The following ADGRV1 variants were observed in gnomAD, a reference collection of about 807,000 sequenced individuals.
ADGRV1 encodes the protein G-protein coupled receptor 98.
In ADGRV1, 359 loss-of-function variants were observed where a neutral mutation model predicts 596.2. The observed-to-expected ratio is 0.60, with a 90% CI of 0.55 to 0.66. ADGRV1 has a LOEUF of 0.66. Among genes scored for constraint, ADGRV1 ranks in the 30% least tolerant of loss-of-function variants. The pLI is 0.00. For synonymous variants in ADGRV1, 2,681 were observed against 2,679.2 expected (o/e 1.00, Z -0.02); for missense variants, 7,274 against 7,575.6 (o/e 0.96, Z 1.48).
intron 16 of ADGRV1, 25 bp downstream of exon 16, chr5:90,646,116 G>T (rs1767719044): frequency 6.6e-7 from 1 of 1,513,614 alleles, no homozygotes; most frequent in Non-Finnish European, 8.9e-7. Context: ...TTATTTGAAT[G>T]AGTTTACATA....
At chr5:91,102,983 A>G (rs908216631) in intron 87 of ADGRV1, among the ~76,000 whole-genome samples, 13 of 152,222 alleles carry the variant, frequency 8.5e-5, no homozygotes, top group African/African-American at 3.1e-4. Context: ...TTGTTTTCCA[A>G]AGTGAAACGA....
intron 70 of ADGRV1, among the ~76,000 whole-genome samples, chr5:90,793,564 T>G (rs1313103785): frequency 6.6e-6 from 1 of 152,248 alleles, no homozygotes; most frequent in African/African-American, 2.4e-5. Flanking sequence ...TTACATGGAC[T>G]AACACCCTTG....
intron 83 of ADGRV1, among the ~76,000 whole-genome samples, chr5:90,910,514 C>T (rs1264184152): frequency 6.6e-6 from 1 of 151,794 alleles, no homozygotes; most frequent in Non-Finnish European, 1.5e-5. Flanking sequence ...TTTTAATGGA[C>T]ACTTTTAGTG....
At chr5:90,572,673 A>T (rs527662468) in intron 1 of ADGRV1, among the ~76,000 whole-genome samples, 12 of 152,292 alleles carry the variant, frequency 7.9e-5, no homozygotes, top group African/African-American at 2.9e-4. Context: ...AATTAACAAT[A>T]TCTAACAAAT....
intron 83 of ADGRV1, among the ~76,000 whole-genome samples, chr5:90,877,229 A>G (rs1769300635): frequency 6.6e-6 from 1 of 152,200 alleles, no homozygotes; most frequent in South Asian, 2.1e-4. Context: ...TAGTGACGCA[A>G]AAAGGATTGC....
intron 85 of ADGRV1, among the ~76,000 whole-genome samples, chr5:91,052,086 T>G (rs1786388425): frequency 6.6e-6 from 1 of 152,182 alleles, no homozygotes; most frequent in Non-Finnish European, 1.5e-5. Flanking sequence ...TTTTTCTTTT[T>G]TAAAATTAAT....
At chr5:90,668,497 T>C (rs1278783774) in intron 21 of ADGRV1, among the ~76,000 whole-genome samples, 4 of 152,260 alleles carry the variant, frequency 2.6e-5, no homozygotes, top group East Asian at 1.9e-4. Flanking sequence ...CCCACTGACC[T>C]GCGCCCACTG....
chr5:90,919,157 G>A (rs999805234), intron 83 of ADGRV1, among the ~76,000 whole-genome samples: 2 of 151,916 alleles, frequency 1.3e-5, no homozygotes, highest in African/African-American at 4.8e-5. Context: ...CTTCCTTCCT[G>A]TCACCCAGAT....
At chr5:91,068,546 A>C (rs1360666047) in intron 85 of ADGRV1, among the ~76,000 whole-genome samples, 4 of 147,286 alleles carry the variant, frequency 2.7e-5, no homozygotes, top group Non-Finnish European at 6.0e-5. Flanking sequence ...AGGCACTCAC[A>C]AAAAAAAAAT....
intron 85 of ADGRV1, among the ~76,000 whole-genome samples, chr5:91,054,102 T>TGAGAGAGAGA (rs3079380): frequency 5.5e-5 from 7 of 126,670 alleles, no homozygotes; most frequent in African/African-American, 9.5e-5. Context: ...TGTGTGTGTG[T>TGAGAGAGAGA]GAGAGAGAGA....
rs573827079 is a variant in ADGRV1, at chr5:90,927,834, T to C, written c.17857-37581T>C. Among the ~76,000 whole-genome samples, 946 of 152,308 alleles carry C rather than the reference T, an allele frequency of 6.2e-3. 5 individuals are homozygous for C. The highest frequency in any genetic ancestry group is 0.01 in the Non-Finnish European group (711 of 68,016). On this transcript the variant is annotated intron_variant, in intron 83 of 89. Coordinates refer to ENST00000405460, the MANE Select transcript of ADGRV1 (RefSeq NM_032119.4). ...TCTTTTAGGGCAGGCCTGGTGGTGATAAAATCTCTCAGCATTTGCTTTTCT... is the reference window on the plus strand; with the variant it reads ...TCTTTTAGGGCAGGCCTGGTGGTGACAAAATCTCTCAGCATTTGCTTTTCT...
intron 74 of ADGRV1, among the ~76,000 whole-genome samples, chr5:90,812,920 A>G (rs1189879838): frequency 6.6e-6 from 1 of 151,814 alleles, no homozygotes; most frequent in East Asian, 1.9e-4. Context: ...TCACGAGGTC[A>G]GGAGATCGAG....
At chr5:90,596,394 C>G (rs866614098) in intron 1 of ADGRV1, among the ~76,000 whole-genome samples, 4 of 151,488 alleles carry the variant, frequency 2.6e-5, no homozygotes, top group Admixed American at 6.6e-5. Flanking sequence ...GGGTGGCGGC[C>G]GGGCAGAGGC....
intron 85 of ADGRV1, among the ~76,000 whole-genome samples, chr5:91,015,218 G>A (rs1783076043): frequency 6.6e-6 from 1 of 151,972 alleles, no homozygotes. Flanking sequence ...CTTGACTTCT[G>A]TTTTTACTGC....
At chr5:90,689,144 A>T (rs1224122525) in intron 29 of ADGRV1, among the ~76,000 whole-genome samples, 10 of 152,092 alleles carry the variant, frequency 6.6e-5, no homozygotes, top group Admixed American at 5.2e-4. Flanking sequence ...ATCTGGCCAT[A>T]ATACTTGCTT....
At chr5:90,883,418 T>C (rs1292349115) in intron 83 of ADGRV1, among the ~76,000 whole-genome samples, 1 of 152,184 alleles carries the variant, frequency 6.6e-6, no homozygotes, top group Non-Finnish European at 1.5e-5. Context: ...AATCCAGTAG[T>C]GAGGTATGCC....
rs1445238716 is a variant in ADGRV1 at position 90,617,861 on chromosome 5, G to A, written c.265G>A (p.Ala89Thr). 1.9e-6 allele frequency: 3 copies of A among 1,599,936 alleles called. No homozygotes were observed. Among genetic ancestry groups the A allele is most frequent in the African/African-American group, 1.3e-5 (1 of 74,738 alleles). The change falls in exon 3 of 90, where the codon GCC becomes ACC. Residue 89 changes from alanine to threonine, a missense_variant. Around this residue, in one of 5 missense-constraint regions of ADGRV1, gnomAD observed 1,715 missense variants for 1,708.8 expected, o/e 1.00. Transcript: ENST00000405460. ...CACATATGCTGCAGCTTTTATACCTGCCGGAGAAACAAACAGAACAGTGTA... is the reference window on the plus strand; with the variant it reads ...CACATATGCTGCAGCTTTTATACCTACCGGAGAAACAAACAGAACAGTGTA... The part of the protein sequence containing the change: ...FDTYAAAFIP[A>T]GETNRTVYIA...
chr5:90,776,003 A>G (rs531695763), intron 60 of ADGRV1, among the ~76,000 whole-genome samples: 26 of 152,300 alleles, frequency 1.7e-4, no homozygotes, highest in Admixed American at 1.7e-3. Context: ...TATTTGACAC[A>G]GGTTTATAAA....
chr5:90,794,665 A>C (rs1206465850), intron 70 of ADGRV1, among the ~76,000 whole-genome samples: 1 of 152,204 alleles, frequency 6.6e-6, no homozygotes, highest in Non-Finnish European at 1.5e-5. Flanking sequence ...CAATGCCATC[A>C]AGAACAATAG....
Sources: allele counts gnomAD v4.1 joint callset (sites outside exome capture counted in the v4.1 genomes callset), GRCh38; gene constraint gnomAD v4.1.1; regional missense constraint gnomAD v4.1.1; transcripts MANE v1.5; gene names NCBI Gene and HGNC (gene_info 2026-07-23, HGNC 2026-07-21).